Variants in C3 observed in about 807,000 individuals in gnomAD.
C3 encodes complement C3.
Under a neutral mutation model 207.9 loss-of-function variants are expected in C3, and 97 were observed. That is an observed-to-expected ratio of 0.47 (90% CI 0.40 to 0.55). The LOEUF (loss-of-function observed/expected upper bound fraction) is 0.55. C3 is among the 20% of genes least tolerant of loss of function. C3 has a pLI of 0.00. For synonymous variants in C3, 848 were observed against 857.6 expected, an observed-to-expected ratio of 0.99 and a Z score of 0.20; for missense variants, 1,684 against 2,171.7, an observed-to-expected ratio of 0.78 and a Z score of 4.46.
intron 29 of C3, among the ~76,000 whole-genome samples, chr19:6,685,508 G>T (rs890030721): frequency 1.3e-5 from 2 of 152,150 alleles, no homozygotes; most frequent in African/African-American, 4.8e-5. Context: ...ACCCACTCAT[G>T]AAGAACAGAA....
chr19:6,691,755 T>C (rs546358839), intron 26 of C3, among the ~76,000 whole-genome samples: 13 of 152,038 alleles, frequency 8.6e-5, no homozygotes, highest in African/African-American at 3.1e-4. Flanking sequence ...GAGGCCAAGG[T>C]GGGCGGATCA....
intron 27 of C3, 95 bp downstream of exon 27, chr19:6,690,534 C>A: frequency 1.1e-6 from 1 of 919,854 alleles, no homozygotes; most frequent in Non-Finnish European, 1.8e-6. Context: ...ACTGGGAGAG[C>A]TGCAAATTCC....
chr19:6,689,328 C>CCTATCTCTCTCTCTCTCTCTCTCTCT (rs1918098314), intron 27 of C3, among the ~76,000 whole-genome samples: 4 of 53,244 alleles, frequency 7.5e-5, no homozygotes, highest in African/African-American at 3.0e-4. Context: ...TCTCTACCTA[C>CCTATCTCTCTCTCTCTCTCTCTCTCT]CTCCCTCCCT....
chr19:6,683,687 G>A (rs1042148380), intron 33 of C3, among the ~76,000 whole-genome samples: 3 of 152,052 alleles, frequency 2.0e-5, no homozygotes, highest in Admixed American at 6.5e-5. Context: ...TCCTGACCTC[G>A]TGATCTGCCC....
rs1292934804 is a variant in C3, at chr19:6,713,693, C to T, written c.774-184G>A. 1.1e-5 allele frequency: 6 copies of T among 547,362 alleles called. No homozygotes were observed. The East Asian group carries it at 1.3e-4, about 12-fold the overall frequency. The allele number at this position is 547,362 out of a possible 1,614,324, so 33.9% of individuals were successfully genotyped here. A position where few individuals can be genotyped will look rare whatever the true frequency, so the allele number is the denominator to read the frequency against. On this transcript the variant is annotated intron_variant, in intron 7 of 40. Coordinates refer to ENST00000245907, the MANE Select transcript of C3 (RefSeq NM_000064.4). ...CCCACCTTGCCCCACTCCCACCCCCCACATGGTCCCACCTCCAGCCCCTCA... is the reference window on the plus strand; with the variant it reads ...CCCACCTTGCCCCACTCCCACCCCCTACATGGTCCCACCTCCAGCCCCTCA...
intron 33 of C3, chr19:6,683,066 A>T (rs1423365245): frequency 6.6e-6 from 1 of 152,240 alleles, no homozygotes; most frequent in Non-Finnish European, 1.5e-5. Flanking sequence ...AAGGAAGGTC[A>T]TGGGGACAAA....
chr19:6,701,768 C>T (rs11569460), intron 19 of C3, among the ~76,000 whole-genome samples: 4 of 152,168 alleles, frequency 2.6e-5, no homozygotes, highest in Non-Finnish European at 5.9e-5. Flanking sequence ...GAAGTGATTC[C>T]CCTGCCTCAG....
Position 6,707,186 on chromosome 19 carries a change from C to T in C3, c.2135G>A (p.Arg712His), listed in dbSNP as rs773113880. The change falls in exon 17 of 41, where the codon CGT becomes CAT. Residue 712 changes from arginine (R) to histidine (H), a missense_variant. Physicochemically the swap from Arg to His is conservative, Grantham distance 29. Transcript: ENST00000245907. ...PMRFSCQRRT[R>H]FISLGEACKK... ...GCACGCCTCGCCCAGGGAGATGAAA[C>T]GGGTCCGGCGCTGGCACGAGAACCT... is the stretch of plus-strand genomic sequence containing the variant. The T allele has an allele frequency of 2.5e-6, 4 of 1,613,812 alleles. No individual in the cohort carries two copies. In the East Asian group the frequency reaches 8.9e-5, roughly 36 times the overall value.
chr19:6,703,521 C>T (rs111931946), intron 17 of C3, among the ~76,000 whole-genome samples: 9 of 152,070 alleles, frequency 5.9e-5, no homozygotes, highest in Non-Finnish European at 7.4e-5. Flanking sequence ...GCAGGAGAAT[C>T]GCTTGAACCC....
At chr19:6,706,907 C>A (rs1436524628) in intron 17 of C3, among the ~76,000 whole-genome samples, 169 bp downstream of exon 17, 1 of 145,924 alleles carries the variant, frequency 6.9e-6, no homozygotes, top group Non-Finnish European at 1.5e-5. Flanking sequence ...GGCCTCCTCC[C>A]CCCTGAGACA....
intron 4 of C3, chr19:6,717,742 G>T (rs1968068210): frequency 8.1e-6 from 3 of 370,190 alleles, no homozygotes; most frequent in Non-Finnish European, 1.5e-5. Context: ...TGTGTTGTGT[G>T]TTGTGTGTGT....
At chr19:6,696,891 A>C (rs929846780) in intron 21 of C3, among the ~76,000 whole-genome samples, 1 of 150,980 alleles carries the variant, frequency 6.6e-6, no homozygotes, top group African/African-American at 2.4e-5. Context: ...AATACAAAAA[A>C]ATTAGCCGGG....
At chr19:6,686,385 G>A (rs1433180749) in intron 28 of C3, 98 bp from the exon 29 acceptor site, 14 of 1,306,442 alleles carry the variant, frequency 1.1e-5, no homozygotes, top group Non-Finnish European at 1.2e-5. Flanking sequence ...AGACTTCCTG[G>A]TGTTTGGGTG....
rs746172422 is a variant in C3, at chr19:6,694,562, G to A, written c.3023C>T (p.Ser1008Leu). The change falls in exon 24 of 41, where the codon TCG becomes TTG. Residue 1008 changes from serine (S) to leucine (L), a missense_variant. Around this residue, in one of 3 missense-constraint regions of C3, gnomAD observed 1,280 missense variants for 1,739.1 expected, o/e 0.74. Coordinates refer to ENST00000245907, the MANE Select transcript of C3 (RefSeq NM_000064.4). ...GATCATGTTCTGTTCCCCGCAGCCC[G>A]AGGGGGTCACAATGAGGTGCTTCAG... ...ERLKHLIVTP[S>L]GCGEQNMIGM... 7.7e-5 allele frequency: 124 copies of A among 1,613,948 alleles called. No homozygotes were observed. Among genetic ancestry groups the A allele is most frequent in the Non-Finnish European group, 8.9e-5 (105 of 1,179,978 alleles).
intron 19 of C3, among the ~76,000 whole-genome samples, chr19:6,700,338 A>C (rs1774634755): frequency 1.6e-5 from 1 of 63,256 alleles, no homozygotes; most frequent in Non-Finnish European, 2.7e-5. Flanking sequence ...ATTACATGTA[A>C]TATGTAATAT....
At chr19:6,697,832 G>A (rs1220631437) in intron 19 of C3, 38 bp from the exon 20 acceptor site, 3 of 1,598,380 alleles carry the variant, frequency 1.9e-6, no homozygotes, top group South Asian at 1.1e-5. Flanking sequence ...TGTCAAGGTC[G>A]GGGAGTGGAC....
rs11569581 is a variant in C3, at chr19:6,688,187, A to G, written c.3490-1285T>C. ...CTCGCTCTGGCCCAGGCTGGAGTGCATGGCGCAATCTCGGCTCACTGCAAC... is the reference window on the plus strand; with the variant it reads ...CTCGCTCTGGCCCAGGCTGGAGTGCGTGGCGCAATCTCGGCTCACTGCAAC... On this transcript the variant is annotated intron_variant, in intron 27 of 40. Transcript: ENST00000245907. Among the ~76,000 whole-genome samples the G allele has an allele frequency of 6.0e-3, 832 of 138,672 alleles. 6 individuals carry two copies. The highest frequency in any genetic ancestry group is 9.5e-3 in the Non-Finnish European group (613 of 64,372). The allele number at this position is 138,672 out of a possible 152,430, so 91.0% of individuals were successfully genotyped here. A position where few individuals can be genotyped will look rare whatever the true frequency, so the allele number is the denominator to read the frequency against.
chr19:6,691,295 C>T (rs1378413236), intron 26 of C3, among the ~76,000 whole-genome samples: 1 of 152,116 alleles, frequency 6.6e-6, no homozygotes, highest in Non-Finnish European at 1.5e-5. Flanking sequence ...TCAGGTGATC[C>T]ACCTGCCTCG....
rs773565405 is a variant in C3, at chr19:6,719,353, A to G, written c.125T>C (p.Met42Thr). ...TTGCGCGTCGTGGGCCTCCAGCACCATGGTCTCCTCGCTCTCCAGCCGCAA... is the reference window on the plus strand; with the variant it reads ...TTGCGCGTCGTGGGCCTCCAGCACCGTGGTCTCCTCGCTCTCCAGCCGCAA... ...NILRLESEET[M>T]VLEAHDAQGD... Residue 42 changes from methionine (M) to threonine (T), a missense_variant, in exon 2 of 41, where the codon ATG becomes ACG. By Grantham distance (81) the Met-to-Thr change is moderately conservative (BLOSUM62 -1). Around this residue, in one of 3 missense-constraint regions of C3, gnomAD observed 58 missense variants for 52.5 expected, o/e 1.10. Coordinates refer to ENST00000245907, the MANE Select transcript of C3 (RefSeq NM_000064.4). This position sits in a 1 kb window ranked among gnomAD's most constrained non-coding sequence, Gnocchi z 5.4. 6.2e-7 allele frequency: 1 copy of G among 1,613,978 alleles called. No individual in the cohort carries two copies. Among genetic ancestry groups the G allele is most frequent in the Admixed American group, 1.7e-5 (1 of 60,008 alleles).
Sources: gnomAD v4.1 joint callset for allele counts (sites outside exome capture counted in the v4.1 genomes callset) on GRCh38, gnomAD v4.1.1 for gene constraint, gnomAD v4.1.1 regional missense constraint, Gnocchi (gnomAD v3.1) non-coding constraint, MANE v1.5 for transcripts, NCBI Gene and HGNC (gene_info 2026-07-23, HGNC 2026-07-21) for gene names.